The following NECAB3 variants were observed in gnomAD, a reference collection of about 807,000 sequenced individuals.
NECAB3 encodes N-terminal EF-hand calcium-binding protein 3.
NECAB3 carries 38 observed loss-of-function variants against 57.2 expected under a neutral mutation model. The ratio of observed to expected loss-of-function variants is 0.66; its 90% CI spans 0.51 to 0.87. NECAB3 has a LOEUF of 0.87. Among genes scored for constraint, NECAB3 ranks in the 40% least tolerant of loss-of-function variants. The probability of loss-of-function intolerance (pLI) is 0.00; values close to 1 mark genes in which losing one functional copy is unlikely to be tolerated. For synonymous variants in NECAB3, 223 were observed against 222.6 expected (o/e 1.00, Z -0.02); for missense variants, 474 against 527.5 (o/e 0.90, Z 0.99).
At chr20:33,662,577 A>T in intron 5 of NECAB3, 1 of 1,308,198 alleles carries the variant, frequency 7.6e-7, no homozygotes. Flanking sequence ...TTGTATGCAG[A>T]AGTCCTAGGG....
At chr20:33,670,055 T>C (rs2017796041) in intron 3 of NECAB3, among the ~76,000 whole-genome samples, 1 of 151,936 alleles carries the variant, frequency 6.6e-6, no homozygotes, top group Non-Finnish European at 1.5e-5. Context: ...AGGGACGGCA[T>C]GGGGTATTTA....
chr20:33,662,765 C>T (rs982232677), intron 5 of NECAB3: 4 of 330,938 alleles, frequency 1.2e-5, no homozygotes, highest in Non-Finnish European at 2.3e-5. Flanking sequence ...CATAGGGAGG[C>T]CCCATCTCTA....
intron 3 of NECAB3, 134 bp downstream of exon 3, chr20:33,670,550 T>A: frequency 1.7e-6 from 1 of 594,810 alleles, no homozygotes; most frequent in East Asian, 3.1e-5. Context: ...GCGGGTAAAG[T>A]TGGAACTGAG....
rs1174770146 is a variant in NECAB3, at chr20:33,669,403, A to G, written c.359T>C (p.Val120Ala). 2 of 1,613,574 alleles carry G rather than the reference A, an allele frequency of 1.2e-6. No individual in the cohort carries two copies. The highest frequency in any genetic ancestry group is 1.7e-6 in the Non-Finnish European group (2 of 1,180,022). The change falls in exon 5 of 12, where the codon GTG becomes GCG. Residue 120 changes from valine (V) to alanine (A), a missense_variant. Physicochemically the swap from Val to Ala is moderately conservative, Grantham distance 64. Transcript: ENST00000246190. The part of the protein sequence containing the change: ...LAALESLNRA[V>A]LAAMDATKLE... ...CTTGGTGGCATCCATGGCAGCGAGC[A>G]CTGCACGGTTCAGCGATTCCAATGC...
intron 1 of NECAB3, 124 bp from the exon 2 acceptor site, chr20:33,672,546 C>T: frequency 1.7e-6 from 2 of 1,172,482 alleles, no homozygotes; most frequent in African/African-American, 1.5e-5. Flanking sequence ...TCCCGCCCAG[C>T]CTGGTCCCAA....
intron 5 of NECAB3, chr20:33,663,631 G>A: frequency 6.2e-7 from 1 of 1,608,254 alleles, no homozygotes; most frequent in Non-Finnish European, 8.5e-7. Flanking sequence ...GGGCTCCCCG[G>A]CGGCACCCAG....
intron 5 of NECAB3, chr20:33,666,442 T>C (rs1361205815): frequency 6.6e-6 from 1 of 152,270 alleles, no homozygotes; most frequent in Non-Finnish European, 1.5e-5. Flanking sequence ...GAGGTCACAA[T>C]GAGCCCAATC....
At chr20:33,668,357 T>C in intron 5 of NECAB3, 2 of 1,367,616 alleles carry the variant, frequency 1.5e-6, no homozygotes, top group South Asian at 3.5e-5. Flanking sequence ...GTCACCCCCA[T>C]ACCCTTTCTG....
Position 33,674,266 on chromosome 20 carries a change from G to A in NECAB3, c.87C>T (p.Leu29=), listed in dbSNP as rs747851048. ...GTCCGGCGGGCCCCGGGTCGGGCGCGAGCTGGGGGTGCCGCGGGGTCTGGG... is the reference window on the plus strand; with the variant it reads ...GTCCGGCGGGCCCCGGGTCGGGCGCAAGCTGGGGGTGCCGCGGGGTCTGGG... ...PQPQTPRHPQ[L]APDPGPAGHT... is the part of the protein sequence containing the mutation. The change falls in exon 1 of 12, where the codon CTC becomes CTT. Residue 29 remains leucine (L), a synonymous_variant. Transcript: ENST00000246190. 1.1e-5 allele frequency: 13 copies of A among 1,231,246 alleles called. No homozygotes were observed. The East Asian group carries it at 3.2e-4, about 30-fold the overall frequency. The allele number at this position is 1,231,246 out of a possible 1,614,324, so 76.3% of individuals were successfully genotyped here. A position where few individuals can be genotyped will look rare whatever the true frequency, so the allele number is the denominator to read the frequency against.
At chr20:33,666,339 C>T (rs950083372) in intron 5 of NECAB3, among the ~76,000 whole-genome samples, 1 of 152,186 alleles carries the variant, frequency 6.6e-6, no homozygotes, top group Non-Finnish European at 1.5e-5. Context: ...CCCTGGATGC[C>T]AAAATCACTG....
chr20:33,663,233 A>T, intron 5 of NECAB3: 1 of 465,412 alleles, frequency 2.1e-6, no homozygotes, highest in South Asian at 3.1e-5. Flanking sequence ...CCCCTGACAT[A>T]GGGCCTGGAA....
rs779071564 is a variant in NECAB3 at position 33,667,754 on chromosome 20, A to G, written c.387+1621T>C. On this transcript the variant is annotated intron_variant, in intron 5 of 11. Transcript: ENST00000246190. ...ACACATCTCAAGAAGCGCAGCTGCT[A>G]CGTGTCCCTGGACTTCGAGGGCGAC... 7 of 1,612,376 alleles carry G rather than the reference A, an allele frequency of 4.3e-6. No individual in the cohort carries two copies. The South Asian group carries it at 7.7e-5, about 18-fold the overall frequency.
chr20:33,657,847 C>A lies in NECAB3; in HGVS notation c.1173G>T (p.Trp391Cys). ...GTCTGGCTCAGTTGTTATTCATTAT[C>A]CACCAGGAGGCTGGGGGTCAGAGGC... is the stretch of plus-strand genomic sequence containing the variant. ...LTTVFFPASW[W>C]IMNNN is the part of the protein sequence containing the mutation. Residue 391 changes from tryptophan to cysteine, a missense_variant, in exon 12 of 12, where the codon TGG becomes TGT. Trp to Cys is a radical substitution (Grantham distance 215). Coordinates refer to ENST00000246190, the MANE Select transcript of NECAB3 (RefSeq NM_031232.4). 1 of 1,541,470 alleles carries A rather than the reference C, an allele frequency of 6.5e-7. No homozygotes were observed. Among genetic ancestry groups the A allele is most frequent in the South Asian group, 1.2e-5 (1 of 82,652 alleles).
intron 5 of NECAB3, chr20:33,662,539 GTGGGAAGGGATGC>G: frequency 6.6e-7 from 1 of 1,513,968 alleles, no homozygotes; most frequent in East Asian, 2.5e-5. Flanking sequence ...GGACAAGTGG[GTGGGAAGGGATGC>G]TGGGAGTCTA....
chr20:33,672,623 G>A (rs753294365), intron 1 of NECAB3, among the ~76,000 whole-genome samples: 2 of 152,154 alleles, frequency 1.3e-5, no homozygotes, highest in Non-Finnish European at 1.5e-5. Flanking sequence ...AGCACGCAGC[G>A]GGTGCCACCT....
chr20:33,659,531 A>C lies in NECAB3; in HGVS notation c.845T>G (p.Leu282Arg), dbSNP rs1291205239. Residue 282 changes from leucine to arginine, a missense_variant, in exon 8 of 12, where the codon CTG becomes CGG. Physicochemically the swap from Leu to Arg is moderately radical, Grantham distance 102. Coordinates refer to ENST00000246190, the MANE Select transcript of NECAB3 (RefSeq NM_031232.4). The stretch of plus-strand genomic sequence containing the variant: ...CCCCTTGGCCAGGTCCTCTTCACGC[A>C]GGGGTTCCAGCCGGGGGGCCTGTGA... Reference protein sequence around the residue: ...VPSQAPRLEPLREEDLAKGPD... With the variant: ...VPSQAPRLEPRREEDLAKGPD... 16 of 1,535,392 alleles carry C rather than the reference A, an allele frequency of 1.0e-5. No individual in the cohort carries two copies. Among genetic ancestry groups the C allele is most frequent in the Non-Finnish European group, 1.4e-5 (16 of 1,136,448 alleles).
chr20:33,667,784 G>C (rs543865222), intron 5 of NECAB3: 1 of 1,612,378 alleles, frequency 6.2e-7, no homozygotes, highest in Non-Finnish European at 8.5e-7. Flanking sequence ...GGCGACCTCC[G>C]CGACCCCGCC....
chr20:33,669,166 T>C (rs1345959575), intron 5 of NECAB3: 1 of 572,890 alleles, frequency 1.7e-6, no homozygotes, highest in African/African-American at 1.9e-5. Flanking sequence ...GTCACAGTGA[T>C]GTATGAAGGG....
chr20:33,664,715 C>G (rs143120128), intron 5 of NECAB3: 1 of 152,406 alleles, frequency 6.6e-6, no homozygotes, highest in Non-Finnish European at 1.5e-5. Flanking sequence ...CTCACTCTCC[C>G]GGGTCCCAAA....
Sources: gnomAD v4.1 joint callset for allele counts (sites outside exome capture counted in the v4.1 genomes callset) on GRCh38, gnomAD v4.1.1 for gene constraint, MANE v1.5 for transcripts, NCBI Gene and HGNC (gene_info 2026-07-23, HGNC 2026-07-21) for gene names.